The following MLIP variants were observed in gnomAD, a reference collection of about 807,000 sequenced individuals.
The protein encoded by MLIP is muscular LMNA-interacting protein.
In MLIP, 79 loss-of-function variants were observed where a neutral mutation model predicts 84.8. That is an observed-to-expected ratio of 0.93 (90% CI 0.78 to 1.12). MLIP has a LOEUF of 1.12. Among genes scored for constraint, MLIP ranks in the 50% most tolerant of loss-of-function variants. The probability of loss-of-function intolerance (pLI) is 0.00; values close to 1 mark genes in which losing one functional copy is unlikely to be tolerated. For missense variants in MLIP, 1,257 were observed against 1,160.6 expected, an observed-to-expected ratio of 1.08 and a Z score of -1.21; for synonymous variants, 504 against 463.0, an observed-to-expected ratio of 1.09 and a Z score of -1.14.
chr6:54,248,610 A>C (rs1782246085), intron 12 of MLIP, among the ~76,000 whole-genome samples: 1 of 152,016 alleles, frequency 6.6e-6, no homozygotes, highest in South Asian at 2.1e-4. Flanking sequence ...AAATTCCCTT[A>C]CACTGATGTC....
At chr6:54,124,987 TA>T (rs1468084195) in intron 3 of MLIP, 122 bp downstream of exon 3, 2 of 742,170 alleles carry the variant, frequency 2.7e-6, no homozygotes, top group Non-Finnish European at 4.0e-6. Context: ...AAAATATATT[TA>T]AAAAACCATT....
chr6:54,189,953 G>C, intron 10 of MLIP, 39 bp downstream of exon 10: 2 of 1,414,014 alleles, frequency 1.4e-6, no homozygotes, highest in Non-Finnish European at 1.0e-6. Flanking sequence ...TGCAAATTCT[G>C]ATCTCTCAAG....
chr6:54,136,620 G>A (rs760211453), intron 3 of MLIP, 95 bp from the exon 4 acceptor site: 2 of 1,224,372 alleles, frequency 1.6e-6, no homozygotes, highest in Non-Finnish European at 2.2e-6. Flanking sequence ...CTCCTTTTGT[G>A]TAAATTGTTT....
chr6:54,258,121 A>C (rs779034278), intron 13 of MLIP, among the ~76,000 whole-genome samples: 82 of 152,074 alleles, frequency 5.4e-4, no homozygotes, highest in Non-Finnish European at 9.9e-4. Context: ...TAAAAAACTT[A>C]TCTCTGAGAA....
chr6:54,114,613 T>C (rs1251848081), intron 1 of MLIP, among the ~76,000 whole-genome samples: 1 of 152,358 alleles, frequency 6.6e-6, no homozygotes, highest in Non-Finnish European at 1.5e-5. Context: ...CTATGGGTTA[T>C]TGCAATAGAC....
chr6:54,074,538 C>T (rs114029088), intron 1 of MLIP, among the ~76,000 whole-genome samples: 14 of 152,172 alleles, frequency 9.2e-5, no homozygotes, highest in Non-Finnish European at 1.8e-4. Flanking sequence ...AGAAGGTCAG[C>T]AAATAAGTGA....
intron 9 of MLIP, among the ~76,000 whole-genome samples, chr6:54,181,256 A>C (rs558171864): frequency 9.9e-5 from 15 of 152,140 alleles, no homozygotes; most frequent in African/African-American, 3.4e-4. Flanking sequence ...TCCCCTTTCC[A>C]CAGGCAAAAG....
chr6:54,121,642 T>C (rs1770467157), intron 2 of MLIP, 40 bp downstream of exon 2: 1 of 1,434,732 alleles, frequency 7.0e-7, no homozygotes, highest in African/African-American at 1.5e-5. Context: ...CAAACAATTA[T>C]ATTAAATTTT....
chr6:54,114,864 G>A (rs1037234871), intron 1 of MLIP, among the ~76,000 whole-genome samples: 1 of 152,134 alleles, frequency 6.6e-6, no homozygotes, highest in Non-Finnish European at 1.5e-5. Context: ...GTTTTACTAG[G>A]AGCATAGTAG....
chr6:54,137,240 ATC>A lies in MLIP; in HGVS notation c.1173_1174del (p.Ile391MetfsTer7). 1 of 1,535,904 alleles carries A rather than the reference ATC, an allele frequency of 6.5e-7. No individual in the cohort carries two copies. Among genetic ancestry groups the A allele is most frequent in the South Asian group, 1.2e-5 (1 of 84,030 alleles). On this transcript the variant is annotated frameshift_variant, in exon 4 of 14. Transcript: ENST00000502396. LOFTEE classifies it high-confidence loss of function. ...TSSFHGSSST[I>X]CSQMSSSGNL... ...CTCTTTCCACGGCTCTTCTTCCACC[ATC>A]TGCAGCCAAATGTCATCTAGTGGAA...
intron 12 of MLIP, among the ~76,000 whole-genome samples, chr6:54,244,811 A>C (rs1197373916): frequency 1.3e-5 from 2 of 152,168 alleles, no homozygotes; most frequent in Non-Finnish European, 2.9e-5. Flanking sequence ...TAGTAGCAAG[A>C]ACACCTGCCC....
intron 4 of MLIP, among the ~76,000 whole-genome samples, chr6:54,144,037 C>T (rs1772562377): frequency 6.6e-6 from 1 of 152,102 alleles, no homozygotes; most frequent in Admixed American, 6.6e-5. Context: ...CAGTTGCTAC[C>T]TCGCCCATCT....
chr6:54,091,348 T>A (rs1324074056), intron 1 of MLIP, among the ~76,000 whole-genome samples: 1 of 152,138 alleles, frequency 6.6e-6, no homozygotes, highest in Admixed American at 6.6e-5. Context: ...TAATTAAATA[T>A]GGAAAATTAT....
intron 12 of MLIP, among the ~76,000 whole-genome samples, chr6:54,250,429 A>G (rs1782391189): frequency 6.6e-6 from 1 of 152,092 alleles, no homozygotes; most frequent in Non-Finnish European, 1.5e-5. Flanking sequence ...CTGCAGCACT[A>G]TTCACAATAG....
At chr6:54,139,470 A>T (rs1582249561) in intron 4 of MLIP, among the ~76,000 whole-genome samples, 1 of 152,204 alleles carries the variant, frequency 6.6e-6, no homozygotes, top group Admixed American at 6.5e-5. Context: ...CTGACCAAAT[A>T]TACAGAAGAT....
Position 54,138,140 on chromosome 6 carries a change from A to G in MLIP, c.2071A>G (p.Arg691Gly). ...TTGCGGCAGTGGTACCTTGCCTTCA[A>G]GACTTGGGAAATCTGAAAGCACCAC... ...PHCGSGTLPS[R>G]LGKSESTTPN... The change falls in exon 4 of 14, where the codon AGA (arginine) becomes GGA (glycine). Residue 691 changes from arginine to glycine, a missense_variant. Physicochemically the swap from Arg to Gly is moderately radical, Grantham distance 125. Coordinates refer to ENST00000502396, the MANE Select transcript of MLIP (RefSeq NM_001281747.2). The G allele has an allele frequency of 2.6e-6, 4 of 1,536,068 alleles. No homozygotes were observed. The highest frequency in any genetic ancestry group is 3.5e-6 in the Non-Finnish European group (4 of 1,146,868).
chr6:54,019,174 T>A, intron 1 of MLIP: 1 of 1,417,842 alleles, frequency 7.1e-7, no homozygotes, highest in Non-Finnish European at 9.8e-7. Context: ...GGAAAAGTTG[T>A]GCTAGCCGGC....
chr6:54,078,691 C>CT (rs70980890), intron 1 of MLIP, among the ~76,000 whole-genome samples: 122,991 of 133,270 alleles, frequency 0.92, 56,999 homozygotes, highest in East Asian at 0.99. Flanking sequence ...TTCTTTCTTT[C>CT]TTTTTTTTTT....
chr6:54,254,899 A>T (rs980297513), intron 12 of MLIP, among the ~76,000 whole-genome samples: 9 of 151,920 alleles, frequency 5.9e-5, no homozygotes, highest in Non-Finnish European at 8.8e-5. Flanking sequence ...TGAAATGAGA[A>T]ATCTGACCAC....
Sources: allele counts gnomAD v4.1 joint callset (sites outside exome capture counted in the v4.1 genomes callset), GRCh38; gene constraint gnomAD v4.1.1; transcripts MANE v1.5; gene names NCBI Gene and HGNC (gene_info 2026-07-23, HGNC 2026-07-21).